The following ARSG variants were observed in gnomAD, a reference collection of about 807,000 sequenced individuals.
ARSG encodes the protein arylsulfatase G, also known as ASG.
A neutral mutation model predicts 50.5 loss-of-function variants in ARSG; 37 were observed. The observed-to-expected ratio is 0.73, with a 90% CI of 0.56 to 0.96. ARSG has a LOEUF of 0.96. Ranked by LOEUF, ARSG falls within the 50% of genes least tolerant of loss-of-function variation. The pLI is 0.00. For synonymous variants in ARSG, 225 were observed against 254.6 expected (o/e 0.88, Z 1.11); for missense variants, 629 against 675.3 (o/e 0.93, Z 0.76).
intron 1 of ARSG, among the ~76,000 whole-genome samples, chr17:68,264,522 C>T (rs180703236): frequency 6.6e-6 from 1 of 152,206 alleles, no homozygotes; most frequent in East Asian, 1.9e-4. Flanking sequence ...TCACCACAAC[C>T]TCCATCTCCT....
At chr17:68,432,921 G>A in the ARSG span, among the ~76,000 whole-genome samples, 1 of 152,080 alleles carries the variant, frequency 6.6e-6, no homozygotes, top group Non-Finnish European at 1.5e-5. Context: ...TGTCTGCCCT[G>A]AAGTTCTTTT....
the ARSG span, chr17:68,441,036 T>G: frequency 6.6e-6 from 1 of 152,222 alleles, no homozygotes; most frequent in East Asian, 1.9e-4. Flanking sequence ...TGTTCAATGA[T>G]CTGCATTGCT....
intron 6 of ARSG, among the ~76,000 whole-genome samples, chr17:68,358,753 C>A (rs1466331677): frequency 6.6e-6 from 1 of 151,926 alleles, no homozygotes; most frequent in Non-Finnish European, 1.5e-5. Context: ...GTAGTGCCAG[C>A]TAACTCGGGT....
the ARSG span, among the ~76,000 whole-genome samples, chr17:68,438,970 C>A: frequency 2.0e-5 from 3 of 152,136 alleles, no homozygotes; most frequent in African/African-American, 2.4e-5. Context: ...ACTAGGATGA[C>A]TATAGTGAAA....
At chr17:68,400,832 C>T (rs1016766533) in intron 10 of ARSG, among the ~76,000 whole-genome samples, 2 of 152,192 alleles carry the variant, frequency 1.3e-5, no homozygotes, top group Non-Finnish European at 2.9e-5. Flanking sequence ...TTTGCCTACT[C>T]TTCCAGAGTT....
intron 2 of ARSG, among the ~76,000 whole-genome samples, chr17:68,328,249 G>T (rs1458166100): frequency 6.6e-6 from 1 of 151,948 alleles, no homozygotes; most frequent in Non-Finnish European, 1.5e-5. Context: ...CAGTCATCAT[G>T]TTGCCTGCCA....
rs2078191990 is a variant in ARSG, at chr17:68,339,898, T to G, written c.219-3706T>G. ...ATTTATGATGCTCCGCGGTTGACAC[T>G]CTGAACAACCACTCCCAACACATCC... On this transcript the variant is annotated intron_variant, in intron 2 of 11. Transcript: ENST00000621439. Among the ~76,000 whole-genome samples the G allele has an allele frequency of 1.3e-5, 2 of 152,168 alleles. 1 individual carries two copies. The highest frequency in any genetic ancestry group is 4.1e-4 in the South Asian group (2 of 4,834).
upstream of ARSG, among the ~76,000 whole-genome samples, chr17:68,288,557 G>A (rs1012057618): frequency 2.0e-5 from 3 of 152,176 alleles, no homozygotes; most frequent in African/African-American, 7.2e-5. Context: ...CTTTACGGAT[G>A]ATGGAATTTA....
At chr17:68,337,946 A>G (rs16972890) in intron 2 of ARSG, among the ~76,000 whole-genome samples, 1,565 of 152,194 alleles carry the variant, frequency 0.01, 23 homozygotes, top group African/African-American at 0.036. Context: ...AAAAGCATAC[A>G]TTCCTAGAAT....
chr17:68,330,092 C>G (rs574329981), intron 2 of ARSG, among the ~76,000 whole-genome samples: 6 of 152,160 alleles, frequency 3.9e-5, no homozygotes, highest in Non-Finnish European at 8.8e-5. Flanking sequence ...TGCCTGTAAT[C>G]CCAGCTACTT....
downstream of ARSG, among the ~76,000 whole-genome samples, chr17:68,426,625 C>T (rs1375161481): frequency 6.6e-6 from 1 of 152,160 alleles, no homozygotes; most frequent in African/African-American, 2.4e-5. Flanking sequence ...CTCCGCCTCT[C>T]TGGTTCAAGC....
chr17:68,282,529 T>C (rs1384678775), intron 1 of ARSG, among the ~76,000 whole-genome samples: 1 of 151,386 alleles, frequency 6.6e-6, no homozygotes, highest in African/African-American at 2.4e-5. Context: ...CCAGGCGCAG[T>C]GGCTCACGCC....
chr17:68,435,531 T>C, the ARSG span: 805 of 1,287,908 alleles, frequency 6.3e-4, 12 homozygotes, highest in South Asian at 7.5e-3. Context: ...TCAGTCTTCA[T>C]GTCACCAGGT....
At chr17:68,285,572 C>T (rs1212717685) in intron 1 of ARSG, 3 of 152,052 alleles carry the variant, frequency 2.0e-5, no homozygotes, top group African/African-American at 4.8e-5. Context: ...CGGGAGGCTG[C>T]GGTGGGAGAA....
chr17:68,426,582 G>C (rs2083210536), downstream of ARSG, among the ~76,000 whole-genome samples: 1 of 152,188 alleles, frequency 6.6e-6, no homozygotes, highest in African/African-American at 2.4e-5. Context: ...ACCCAGGCTG[G>C]AGTGCAGTGG....
At chr17:68,368,064 CTG>C (rs2079633108) in intron 6 of ARSG, among the ~76,000 whole-genome samples, 1 of 151,976 alleles carries the variant, frequency 6.6e-6, no homozygotes, top group Non-Finnish European at 1.5e-5. Flanking sequence ...GAGTGCGACT[CTG>C]TCTCCAAAAA....
chr17:68,346,324 A>G (rs1403107452), intron 3 of ARSG, among the ~76,000 whole-genome samples: 1 of 152,160 alleles, frequency 6.6e-6, no homozygotes, highest in Non-Finnish European at 1.5e-5. Context: ...GTCTTGAAAA[A>G]ATAGATCGAT....
intron 1 of ARSG, chr17:68,272,503 G>A: frequency 9.8e-7 from 1 of 1,021,252 alleles, no homozygotes; most frequent in Admixed American, 2.3e-5. Context: ...AAATGAGCTG[G>A]AGAAGAGACG....
intron 1 of ARSG, among the ~76,000 whole-genome samples, chr17:68,282,426 A>T (rs1385997391): frequency 1.3e-5 from 2 of 151,932 alleles, no homozygotes; most frequent in Admixed American, 1.3e-4. Context: ...TGGGTGCAGC[A>T]CACCAACATG....
Sources: gnomAD v4.1 joint callset for allele counts (sites outside exome capture counted in the v4.1 genomes callset) on GRCh38, gnomAD v4.1.1 for gene constraint, MANE v1.5 for transcripts, NCBI Gene and HGNC (gene_info 2026-07-23, HGNC 2026-07-21) for gene names.